Variants in TMEM217B observed in about 807,000 individuals in gnomAD.
TMEM217B encodes putative transmembrane protein 217B.
chr6:37,236,833 G>A, the TMEM217B span, among the ~76,000 whole-genome samples: 3 of 152,294 alleles, frequency 2.0e-5, no homozygotes, highest in South Asian at 4.1e-4. Flanking sequence ...TGTCCAGGAT[G>A]ACTTGCTACT....
the TMEM217B span, among the ~76,000 whole-genome samples, chr6:37,222,832 A>C: frequency 6.6e-6 from 1 of 152,286 alleles, no homozygotes; most frequent in East Asian, 1.9e-4. Flanking sequence ...CCGGGCTTCC[A>C]CCGGCTCCAT....
At chr6:37,253,315 T>C in the TMEM217B span, among the ~76,000 whole-genome samples, 1 of 152,238 alleles carries the variant, frequency 6.6e-6, no homozygotes, top group Non-Finnish European at 1.5e-5. Context: ...AATATCTTTG[T>C]ACACAGAGAT....
At chr6:37,230,969 GT>G in the TMEM217B span, among the ~76,000 whole-genome samples, 1 of 152,086 alleles carries the variant, frequency 6.6e-6, no homozygotes, top group Non-Finnish European at 1.5e-5. Flanking sequence ...TGTTGTTGTT[GT>G]TTAAGTTAGG....
chr6:37,241,509 G>A, the TMEM217B span, among the ~76,000 whole-genome samples: 10,305 of 152,066 alleles, frequency 0.068, 1,138 homozygotes, highest in African/African-American at 0.23. Flanking sequence ...ACTCATGTGC[G>A]GCTAGAAGCA....
At chr6:37,219,841 C>G in the TMEM217B span, among the ~76,000 whole-genome samples, 1 of 152,136 alleles carries the variant, frequency 6.6e-6, no homozygotes, top group Non-Finnish European at 1.5e-5. Flanking sequence ...ACAGATGTTT[C>G]AGGATATAAC....
chr6:37,242,262 T>C, the TMEM217B span, among the ~76,000 whole-genome samples: 1 of 152,344 alleles, frequency 6.6e-6, no homozygotes, highest in South Asian at 2.1e-4. Context: ...CTCTGGGGTC[T>C]GGGAGAGAGT....
chr6:37,227,286 G>A, the TMEM217B span, among the ~76,000 whole-genome samples: 1 of 152,122 alleles, frequency 6.6e-6, no homozygotes, highest in Non-Finnish European at 1.5e-5. Flanking sequence ...TCTCTCATCT[G>A]AGTCATCTTC....
chr6:37,218,697 G>A, the TMEM217B span: 1 of 1,613,974 alleles, frequency 6.2e-7, no homozygotes, highest in Admixed American at 1.7e-5. Context: ...GTGAGGATTT[G>A]TATTACGACG....
At chr6:37,229,359 T>TTTTC in the TMEM217B span, among the ~76,000 whole-genome samples, 1 of 147,252 alleles carries the variant, frequency 6.8e-6, no homozygotes, top group East Asian at 2.0e-4. Flanking sequence ...TTTTTTTTTT[T>TTTTC]TGAGACAGTG....
the TMEM217B span, chr6:37,215,401 C>CTGTCT: frequency 1.6e-6 from 2 of 1,217,030 alleles, no homozygotes; most frequent in South Asian, 1.5e-5. Flanking sequence ...ATGGTGAAAC[C>CTGTCT]CCATCTCTAC....
the TMEM217B span, chr6:37,219,057 A>G: frequency 6.3e-7 from 1 of 1,594,260 alleles, no homozygotes; most frequent in Non-Finnish European, 8.6e-7. Context: ...AAGACAAACA[A>G]CATGAGGGAG....
At chr6:37,252,709 G>A in the TMEM217B span, among the ~76,000 whole-genome samples, 1 of 143,476 alleles carries the variant, frequency 7.0e-6, no homozygotes, top group Non-Finnish European at 1.5e-5. Context: ...GCACAATCTC[G>A]GCTCCCTGCA....
chr6:37,240,729 T>C, the TMEM217B span, among the ~76,000 whole-genome samples: 2 of 152,142 alleles, frequency 1.3e-5, no homozygotes, highest in African/African-American at 4.8e-5. Flanking sequence ...TTGAGAAACA[T>C]GATTAATTTA....
At chr6:37,238,074 A>G in the TMEM217B span, among the ~76,000 whole-genome samples, 1 of 152,120 alleles carries the variant, frequency 6.6e-6, no homozygotes, top group Admixed American at 6.5e-5. Flanking sequence ...AAGTAAACAA[A>G]AGAGAGCCAT....
the TMEM217B span, among the ~76,000 whole-genome samples, chr6:37,234,760 T>A: frequency 1.8e-4 from 28 of 151,426 alleles, no homozygotes; most frequent in Admixed American, 1.4e-3. Flanking sequence ...AAAATAAATA[T>A]CGGTATACAC....
chr6:37,212,808 G>A, the TMEM217B span: 1 of 804,826 alleles, frequency 1.2e-6, no homozygotes, highest in African/African-American at 1.7e-5. Context: ...TAGCCCTGTG[G>A]AACAGGGTCC....
chr6:37,234,673 T>A, the TMEM217B span, among the ~76,000 whole-genome samples: 1 of 152,000 alleles, frequency 6.6e-6, no homozygotes, highest in Admixed American at 6.6e-5. Flanking sequence ...GAGGCAGAGG[T>A]TGCACTGAGC....
the TMEM217B span, among the ~76,000 whole-genome samples, chr6:37,228,808 TA>T: frequency 1.3e-5 from 2 of 151,128 alleles, no homozygotes; most frequent in Admixed American, 6.6e-5. Context: ...CCATCCTGAC[TA>T]ACACGGTGAA....
chr6:37,219,004 C>A, the TMEM217B span: 2 of 1,613,960 alleles, frequency 1.2e-6, no homozygotes, highest in South Asian at 2.2e-5. Context: ...TTTTGGCAGT[C>A]ATCCCACACC....
Sources: gnomAD v4.1 joint callset for allele counts (sites outside exome capture counted in the v4.1 genomes callset) on GRCh38, gnomAD v4.1.1 for gene constraint, MANE v1.5 for transcripts, NCBI Gene and HGNC (gene_info 2026-07-23, HGNC 2026-07-21) for gene names.